RXFP1: variants seen among roughly 807,000 people sequenced by gnomAD.
RXFP1 encodes the protein relaxin receptor 1.
In RXFP1, 73 loss-of-function variants were observed where a neutral mutation model predicts 89.8. The ratio of observed to expected loss-of-function variants is 0.81; its 90% CI spans 0.67 to 0.99. The LOEUF is 0.99. RXFP1 is among the 50% of genes least tolerant of loss of function. RXFP1 has a pLI of 0.00. For synonymous variants in RXFP1, 277 were observed against 305.5 expected, an observed-to-expected ratio of 0.91 and a Z score of 0.97; for missense variants, 793 against 895.5, an observed-to-expected ratio of 0.89 and a Z score of 1.46.
chr4:158,568,373 G>GGAGAA (rs1172118589), intron 1 of RXFP1, among the ~76,000 whole-genome samples: 1 of 152,232 alleles, frequency 6.6e-6, no homozygotes, highest in Non-Finnish European at 1.5e-5. Flanking sequence ...AAAGTTATGT[G>GGAGAA]GAGAAGAATA....
chr4:158,558,458 G>A (rs887552571), intron 1 of RXFP1, among the ~76,000 whole-genome samples: 1 of 152,216 alleles, frequency 6.6e-6, no homozygotes, highest in Non-Finnish European at 1.5e-5. Flanking sequence ...TAGGGCACAT[G>A]TGGTTTGGCA....
intron 1 of RXFP1, among the ~76,000 whole-genome samples, chr4:158,533,225 G>A (rs547389928): frequency 6.6e-6 from 1 of 152,310 alleles, no homozygotes; most frequent in South Asian, 2.1e-4. Context: ...GCCATTGAAA[G>A]CCATGACTCT....
intron 1 of RXFP1, among the ~76,000 whole-genome samples, chr4:158,550,317 T>C (rs1354666391): frequency 6.6e-6 from 1 of 152,202 alleles, no homozygotes; most frequent in Non-Finnish European, 1.5e-5. Flanking sequence ...AGTATTAGGG[T>C]AGAAGTGATC....
rs1366164027 is a variant in RXFP1, at chr4:158,639,269, A to G, written c.1053A>G (p.Glu351=). The G allele has an allele frequency of 6.5e-7, 1 of 1,543,666 alleles. No homozygotes were observed. Among genetic ancestry groups the G allele is most frequent in the Non-Finnish European group, 9.0e-7 (1 of 1,116,034 alleles). Residue 351 remains glutamate, a synonymous_variant, in exon 14 of 18, where the codon GAA becomes GAG. Coordinates refer to ENST00000307765, the MANE Select transcript of RXFP1 (RefSeq NM_021634.4). ...AATTTGATATTTTTAGCAGCCTAGA[A>G]GGGATTGAAATTTCAAATATCCAAC... ...YLVKLKSLSL[E]GIEISNIQQR...
chr4:158,567,041 C>T (rs112358145), intron 1 of RXFP1, among the ~76,000 whole-genome samples: 2 of 152,148 alleles, frequency 1.3e-5, no homozygotes, highest in African/African-American at 4.8e-5. Flanking sequence ...TCGGAGTGGC[C>T]GGCCGGCCCG....
chr4:158,532,228 A>G (rs932101256), intron 1 of RXFP1, among the ~76,000 whole-genome samples: 2 of 152,066 alleles, frequency 1.3e-5, no homozygotes, highest in African/African-American at 4.8e-5. Flanking sequence ...ACTTAGGATA[A>G]TCGCCTCCAG....
At chr4:158,565,292 G>T (rs1234993016) in intron 1 of RXFP1, among the ~76,000 whole-genome samples, 1 of 152,196 alleles carries the variant, frequency 6.6e-6, no homozygotes, top group African/African-American at 2.4e-5. Flanking sequence ...AAGAACTGGA[G>T]ATGAACTCAT....
At position 158,625,790 on chromosome 4, in the gene RXFP1, C is replaced by T. The variant is rs143326422; in HGVS notation, c.756-1030C>T. Among the ~76,000 whole-genome samples, 367 of 152,150 alleles carry T rather than the reference C, an allele frequency of 2.4e-3. 4 individuals are homozygous for T. Among genetic ancestry groups the T allele is most frequent in the African/African-American group, 8.2e-3 (340 of 41,550 alleles). ...CACTTCTGCTCACATGTTTTAGTGA[C>T]AATTATTCCTGAACAGCTTTATGTT... On this transcript the variant is annotated intron_variant, in intron 9 of 17. Transcript: ENST00000307765.
intron 2 of RXFP1, among the ~76,000 whole-genome samples, chr4:158,587,597 T>C (rs1479029088): frequency 2.6e-5 from 4 of 152,286 alleles, no homozygotes; most frequent in Non-Finnish European, 4.4e-5. Flanking sequence ...AAAGGTGAAA[T>C]TCTATAGATA....
chr4:158,571,266 A>C (rs900290676), intron 1 of RXFP1, among the ~76,000 whole-genome samples: 5 of 152,192 alleles, frequency 3.3e-5, no homozygotes, highest in Admixed American at 2.6e-4. Context: ...CTTAGCAACT[A>C]TCCAATATAG....
intron 2 of RXFP1, among the ~76,000 whole-genome samples, chr4:158,589,116 T>G (rs946750408): frequency 2.6e-5 from 4 of 151,786 alleles, no homozygotes; most frequent in Non-Finnish European, 5.9e-5. Flanking sequence ...AGAGAATGAG[T>G]GCCAAACAAA....
intron 1 of RXFP1, among the ~76,000 whole-genome samples, chr4:158,560,447 T>C (rs568227719): frequency 2.6e-5 from 4 of 152,318 alleles, no homozygotes; most frequent in African/African-American, 7.2e-5. Flanking sequence ...CCCTTTCAAG[T>C]AAATTGCCAA....
At chr4:158,563,940 A>C (rs1254919014) in intron 1 of RXFP1, among the ~76,000 whole-genome samples, 2 of 148,154 alleles carry the variant, frequency 1.3e-5, no homozygotes, top group African/African-American at 4.9e-5. Context: ...AATGTATAAC[A>C]TGTTATATAT....
At chr4:158,555,463 T>A (rs963318783) in intron 1 of RXFP1, among the ~76,000 whole-genome samples, 1 of 152,228 alleles carries the variant, frequency 6.6e-6, no homozygotes, top group African/African-American at 2.4e-5. Context: ...TATTTCCCTG[T>A]ACTTGCTCTC....
chr4:158,546,878 A>G (rs1234700407), intron 1 of RXFP1, among the ~76,000 whole-genome samples: 1 of 152,126 alleles, frequency 6.6e-6, no homozygotes, highest in Non-Finnish European at 1.5e-5. Context: ...TTTTTGCATC[A>G]ATGTTCATCA....
chr4:158,535,949 A>T (rs975433836), intron 1 of RXFP1, among the ~76,000 whole-genome samples: 1 of 152,240 alleles, frequency 6.6e-6, no homozygotes, highest in African/African-American at 2.4e-5. Context: ...AAATAAGGCA[A>T]TAAATAAAAC....
intron 11 of RXFP1, among the ~76,000 whole-genome samples, chr4:158,631,947 G>T (rs1208795430): frequency 1.3e-5 from 2 of 152,110 alleles, no homozygotes; most frequent in African/African-American, 2.4e-5. Context: ...ACAAAGATTA[G>T]CTGGGCATGG....
chr4:158,530,099 G>C (rs1296267109), intron 1 of RXFP1, among the ~76,000 whole-genome samples: 1 of 152,118 alleles, frequency 6.6e-6, no homozygotes, highest in Non-Finnish European at 1.5e-5. Context: ...CATTTAAACA[G>C]ATAAATTTTA....
intron 2 of RXFP1, among the ~76,000 whole-genome samples, chr4:158,584,829 AAACC>A (rs1757995123): frequency 6.6e-6 from 1 of 152,214 alleles, no homozygotes; most frequent in African/African-American, 2.4e-5. Context: ...GATGACTATC[AAACC>A]AGTTTAAGTT....
Sources: gnomAD v4.1 joint callset for allele counts (sites outside exome capture counted in the v4.1 genomes callset) on GRCh38, gnomAD v4.1.1 for gene constraint, MANE v1.5 for transcripts, NCBI Gene and HGNC (gene_info 2026-07-23, HGNC 2026-07-21) for gene names.